The following TSHZ2 variants were observed in gnomAD, a reference collection of about 807,000 sequenced individuals.
TSHZ2 encodes the protein teashirt zinc finger homeobox 2.
In TSHZ2, 21 loss-of-function variants were observed where a neutral mutation model predicts 74.4. The observed-to-expected ratio is 0.28, with a 90% CI of 0.20 to 0.41. The LOEUF (loss-of-function observed/expected upper bound fraction) is 0.41. Among genes scored for constraint, TSHZ2 ranks in the 10% least tolerant of loss-of-function variants. The pLI, the probability that TSHZ2 is intolerant of heterozygous loss-of-function variation, is 1.00. For synonymous variants in TSHZ2, 540 were observed against 515.3 expected (o/e 1.05, Z -0.65); for missense variants, 1,244 against 1,293.5 (o/e 0.96, Z 0.59).
chr20:53,463,516 C>T (rs370500063), intron 2 of TSHZ2, among the ~76,000 whole-genome samples: 3 of 151,490 alleles, frequency 2.0e-5, no homozygotes, highest in African/African-American at 7.3e-5. Flanking sequence ...AGAGGAATGT[C>T]GTAGAATTAT....
chr20:53,333,076 C>T (rs951946575), intron 2 of TSHZ2, among the ~76,000 whole-genome samples: 36 of 152,218 alleles, frequency 2.4e-4, no homozygotes, highest in African/African-American at 7.7e-4. Context: ...TCTTCTATCC[C>T]ATAAGCTCCA....
chr20:53,104,807 C>T (rs1456324951), intron 1 of TSHZ2, among the ~76,000 whole-genome samples: 2 of 152,154 alleles, frequency 1.3e-5, no homozygotes, highest in African/African-American at 2.4e-5. Flanking sequence ...ACAGTTCTTA[C>T]GAAGGTCTCA....
chr20:53,318,878 A>G (rs1979132720), intron 2 of TSHZ2, among the ~76,000 whole-genome samples: 1 of 152,252 alleles, frequency 6.6e-6, no homozygotes, highest in Non-Finnish European at 1.5e-5. Flanking sequence ...ATGGACTCAC[A>G]GTTCCACATG....
intron 1 of TSHZ2, among the ~76,000 whole-genome samples, chr20:53,216,085 A>T (rs1478933168): frequency 6.6e-6 from 1 of 152,114 alleles, no homozygotes; most frequent in Non-Finnish European, 1.5e-5. Flanking sequence ...TCATATCTGG[A>T]GGACAGAAAG....
chr20:53,144,989 C>T (rs1221542772), intron 1 of TSHZ2, among the ~76,000 whole-genome samples: 5 of 152,014 alleles, frequency 3.3e-5, no homozygotes, highest in Admixed American at 6.6e-5. Flanking sequence ...GAGGAAACAA[C>T]GGCAAAATTA....
chr20:53,277,667 A>G (rs1044321923), intron 2 of TSHZ2, among the ~76,000 whole-genome samples: 2 of 152,244 alleles, frequency 1.3e-5, no homozygotes, highest in African/African-American at 4.8e-5. Context: ...TAGATGCACC[A>G]GTAGATAGAG....
chr20:53,401,186 G>A (rs1982646042), intron 2 of TSHZ2: 1 of 151,844 alleles, frequency 6.6e-6, no homozygotes, highest in Non-Finnish European at 1.5e-5. Context: ...GACTGAGACA[G>A]ATCAGGTGAC....
intron 2 of TSHZ2, among the ~76,000 whole-genome samples, chr20:53,407,661 A>G (rs1005487738): frequency 6.6e-6 from 1 of 152,224 alleles, no homozygotes; most frequent in East Asian, 1.9e-4. Flanking sequence ...CTTGCCATAC[A>G]TCTATGGACT....
chr20:52,977,455 C>T (rs907878141), intron 1 of TSHZ2, among the ~76,000 whole-genome samples: 7 of 150,900 alleles, frequency 4.6e-5, no homozygotes, highest in Non-Finnish European at 1.0e-4. Flanking sequence ...CACACACACA[C>T]ACACACACAC....
At chr20:53,424,007 C>A (rs1381573447) in intron 2 of TSHZ2, among the ~76,000 whole-genome samples, 1 of 152,188 alleles carries the variant, frequency 6.6e-6, no homozygotes, top group Non-Finnish European at 1.5e-5. Context: ...TCATCCAGCC[C>A]AAATGTCAAT....
chr20:52,987,711 G>T (rs914967720), intron 1 of TSHZ2, among the ~76,000 whole-genome samples: 1 of 152,116 alleles, frequency 6.6e-6, no homozygotes, highest in Non-Finnish European at 1.5e-5. Flanking sequence ...TTGTCTACCT[G>T]GTCTCAGCAT....
intron 2 of TSHZ2, chr20:53,421,718 T>G (rs375095849): frequency 7.1e-6 from 1 of 140,844 alleles, no homozygotes; most frequent in Admixed American, 7.6e-5. Flanking sequence ...GACGGAGCTC[T>G]GTCGCCCAGG....
intron 1 of TSHZ2, among the ~76,000 whole-genome samples, chr20:53,162,186 T>C (rs918520024): frequency 2.2e-4 from 34 of 152,132 alleles, no homozygotes; most frequent in African/African-American, 8.2e-4. Context: ...ATTTTATAAA[T>C]AAAAGAGACT....
chr20:53,140,539 CAAAAAAAAAAAAAAA>C (rs34045440), intron 1 of TSHZ2, among the ~76,000 whole-genome samples: 1 of 79,790 alleles, frequency 1.3e-5, no homozygotes, highest in Non-Finnish European at 2.4e-5. Flanking sequence ...GACTCCGTCT[CAAAAAAAAAAAAAAA>C]AAAAAAAAAA....
At chr20:52,973,470 C>G in intron 1 of TSHZ2, 137 bp downstream of exon 1, 5 of 1,121,378 alleles carry the variant, frequency 4.5e-6, no homozygotes, top group Non-Finnish European at 6.3e-6. Context: ...CTAATAACCC[C>G]GTCCTCTCTC....
intron 2 of TSHZ2, among the ~76,000 whole-genome samples, chr20:53,262,632 G>T (rs922622378): frequency 1.3e-5 from 2 of 152,206 alleles, no homozygotes; most frequent in Admixed American, 6.5e-5. Flanking sequence ...GCAATGTGGG[G>T]ATTTTAAATC....
rs575866455 is a variant in TSHZ2, at chr20:53,342,846, C to G, written c.*8+86275C>G. Among the ~76,000 whole-genome samples the G allele has an allele frequency of 2.0e-5, 3 of 151,612 alleles. No homozygotes were observed. In the South Asian group the frequency reaches 6.3e-4, roughly 32 times the overall value. On this transcript the variant is annotated intron_variant, in intron 2 of 2. Coordinates refer to ENST00000371497, the MANE Select transcript of TSHZ2 (RefSeq NM_173485.6). The stretch of plus-strand genomic sequence containing the variant: ...GTGGAACATCTACAGCAGGGTTTCT[C>G]AGACTTAACTGTACCTACTCATCAC...
In TSHZ2 at chr20:53,215,488, T is replaced by A. The variant is rs1989414977; in HGVS notation, c.41-38011T>A. On this transcript the variant is annotated intron_variant, in intron 1 of 2. Coordinates refer to ENST00000371497, the MANE Select transcript of TSHZ2 (RefSeq NM_173485.6). ...CTTTCCAGAGCTCCTTCAGCTATGG[T>A]CTACAGTCAGAGTTCCATCATGGAG... Among the ~76,000 whole-genome samples, 3 of 150,820 alleles carry A rather than the reference T, an allele frequency of 2.0e-5. No homozygotes were observed. In the Admixed American group the frequency reaches 2.0e-4, roughly 10 times the overall value.
chr20:53,242,008 C>T (rs207477641), intron 1 of TSHZ2, among the ~76,000 whole-genome samples: 2 of 152,278 alleles, frequency 1.3e-5, no homozygotes, highest in African/African-American at 2.4e-5. Flanking sequence ...GAACCACTCT[C>T]TTTTAATAAT....
Sources: gnomAD v4.1 joint callset for allele counts (sites outside exome capture counted in the v4.1 genomes callset) on GRCh38, gnomAD v4.1.1 for gene constraint, MANE v1.5 for transcripts, NCBI Gene and HGNC (gene_info 2026-07-23, HGNC 2026-07-21) for gene names.